ARRDC5: variants seen among roughly 807,000 people sequenced by gnomAD.
ARRDC5 encodes arrestin domain containing 5, also known as arrestin domain-containing protein 5.
In ARRDC5, 12 loss-of-function variants were observed where a neutral mutation model predicts 13.3. That is an observed-to-expected ratio of 0.90 (90% CI 0.58 to 1.46). The LOEUF (loss-of-function observed/expected upper bound fraction) is 1.46, where lower values mean the gene tolerates loss of function less well. Among genes scored for constraint, ARRDC5 ranks in the 40% most tolerant of loss-of-function variants. The pLI, the probability that ARRDC5 is intolerant of heterozygous loss-of-function variation, is 0.00. For missense variants in ARRDC5, 406 were observed against 418.7 expected (o/e 0.97, Z 0.26); for synonymous variants, 181 against 173.4 (o/e 1.04, Z -0.34).
At chr19:4,911,580 C>A in the ARRDC5 span, among the ~76,000 whole-genome samples, 7 of 152,176 alleles carry the variant, frequency 4.6e-5, no homozygotes, top group African/African-American at 4.8e-5. Context: ...TGCTGTGCTG[C>A]GGCTGCTGCT....
At chr19:4,896,991 C>G in intron 1 of ARRDC5, 115 bp from the exon 2 acceptor site, 1 of 711,354 alleles carries the variant, frequency 1.4e-6, no homozygotes, top group Admixed American at 3.0e-5. Context: ...CGGTCTCACT[C>G]TGTCACCCAG....
chr19:4,891,177 G>A lies in ARRDC5; in HGVS notation c.856C>T (p.His286Tyr), dbSNP rs769861681. ...AGGCTGGTCAGGGACCAGGGCAGGT[G>A]CACGGTGGTGACCAGCTCGTAGCGA... ...HTRYELVTTV[H>Y]LPWSLTSLKA... The change falls in exon 3 of 3, where the codon CAC becomes TAC. Residue 286 changes from histidine to tyrosine, a missense_variant. His to Tyr is a moderately conservative substitution (Grantham distance 83). Coordinates refer to ENST00000650722, the MANE Select transcript of ARRDC5 (RefSeq NM_001080523.3). 1 of 1,613,866 alleles carries A rather than the reference G, an allele frequency of 6.2e-7. No individual in the cohort carries two copies. Among genetic ancestry groups the A allele is most frequent in the South Asian group, 1.1e-5 (1 of 91,084 alleles).
At chr19:4,891,633 C>G in intron 2 of ARRDC5, 60 bp from the exon 3 acceptor site, 4 of 1,473,236 alleles carry the variant, frequency 2.7e-6, no homozygotes, top group Non-Finnish European at 3.7e-6. Flanking sequence ...ATCCACTTGC[C>G]TGCCTGATCC....
At position 4,902,693 on chromosome 19, in the gene ARRDC5, C is replaced by T. The variant is rs544143370; in HGVS notation, c.133G>A (p.Val45Met). The T allele has an allele frequency of 1.8e-5, 29 of 1,614,032 alleles. 1 individual carries two copies. The highest frequency in any genetic ancestry group is 1.6e-4 in the East Asian group (7 of 44,888). Residue 45 changes from valine (V) to methionine (M), a missense_variant, in exon 1 of 3, where the codon GTG becomes ATG. Coordinates refer to ENST00000650722, the MANE Select transcript of ARRDC5 (RefSeq NM_001080523.3). ...CTCCATTCGACGTAACCCCTTCCCACGAGCTCCACCTTCACTATGGGGTCC... is the reference window on the plus strand; with the variant it reads ...CTCCATTCGACGTAACCCCTTCCCATGAGCTCCACCTTCACTATGGGGTCC... ...LVDPIVKVEL[V>M]GRGYVEWSEE...
At chr19:4,898,629 T>C (rs1296752821) in intron 1 of ARRDC5, among the ~76,000 whole-genome samples, 1 of 150,198 alleles carries the variant, frequency 6.7e-6, no homozygotes, top group Non-Finnish European at 1.5e-5. Context: ...CCCAAAGGGC[T>C]GGGATTACAG....
At chr19:4,897,652 G>A (rs2031779734) in intron 1 of ARRDC5, among the ~76,000 whole-genome samples, 1 of 152,254 alleles carries the variant, frequency 6.6e-6, no homozygotes, top group Middle Eastern at 3.4e-3. Flanking sequence ...GAAGAGCTGG[G>A]ACTACAGGCC....
upstream of ARRDC5, chr19:4,903,591 C>T (rs573844036): frequency 6.6e-6 from 1 of 151,430 alleles, no homozygotes; most frequent in East Asian, 1.9e-4. Context: ...CAACCTCTGC[C>T]TCCTGGGTTC....
chr19:4,897,840 A>G (rs2031785967), intron 1 of ARRDC5, among the ~76,000 whole-genome samples: 1 of 152,218 alleles, frequency 6.6e-6, no homozygotes, highest in Admixed American at 6.6e-5. Flanking sequence ...CAATCCCAGC[A>G]CTTTGGGAGG....
chr19:4,896,405 C>CACATATAT (rs539564532), intron 2 of ARRDC5, among the ~76,000 whole-genome samples: 1,704 of 106,088 alleles, frequency 0.016, 26 homozygotes, highest in Middle Eastern at 0.037. Context: ...CACACACACA[C>CACATATAT]ATATATATAA....
At chr19:4,891,826 A>C (rs2031523345) in intron 2 of ARRDC5, among the ~76,000 whole-genome samples, 1 of 151,928 alleles carries the variant, frequency 6.6e-6, no homozygotes, top group South Asian at 2.1e-4. Context: ...GTGATGGAGC[A>C]TCCCTGTAAT....
intron 2 of ARRDC5, among the ~76,000 whole-genome samples, chr19:4,892,601 C>A (rs938800737): frequency 6.6e-6 from 1 of 151,798 alleles, no homozygotes; most frequent in Non-Finnish European, 1.5e-5. Context: ...TCAAGCAGTC[C>A]TCCCACCTCA....
chr19:4,903,998 G>A (rs778324223), upstream of ARRDC5, among the ~76,000 whole-genome samples: 12 of 150,704 alleles, frequency 8.0e-5, no homozygotes, highest in Non-Finnish European at 1.3e-4. Flanking sequence ...TTTTTTTGAG[G>A]TGGAATCTCA....
intron 2 of ARRDC5, among the ~76,000 whole-genome samples, chr19:4,893,605 T>C (rs2146242980): frequency 6.7e-6 from 1 of 149,056 alleles, no homozygotes. Flanking sequence ...TGAAAAACAT[T>C]GCTGGCTGGG....
At chr19:4,895,444 A>AAG (rs2031679762) in intron 2 of ARRDC5, among the ~76,000 whole-genome samples, 2 of 139,126 alleles carry the variant, frequency 1.4e-5, no homozygotes, top group African/African-American at 2.9e-5. Context: ...AAAAAAAAAA[A>AAG]AAAGAAAGAA....
At chr19:4,899,764 C>CAAAAAAAA (rs1217500792) in intron 1 of ARRDC5, among the ~76,000 whole-genome samples, 9 of 67,972 alleles carry the variant, frequency 1.3e-4, no homozygotes, top group Admixed American at 2.8e-4. Flanking sequence ...CCCGTCTCTA[C>CAAAAAAAA]AAAAAAAAAA....
rs1277082332 is a variant in ARRDC5 at position 4,891,033 on chromosome 19, A to G, written c.*13T>C. On this transcript the variant is annotated 3_prime_UTR_variant, in exon 3 of 3. Transcript: ENST00000650722. ...AGACTAATAAAGCTTTTAATATTTA[A>G]AAGTTCGGGCACTTAATTCTGGTGA... 6.3e-7 allele frequency: 1 copy of G among 1,596,670 alleles called. No individual in the cohort carries two copies. The highest frequency in any genetic ancestry group is 1.3e-5 in the African/African-American group (1 of 74,294).
the ARRDC5 span, chr19:4,909,857 C>G: frequency 2.9e-5 from 11 of 384,008 alleles, no homozygotes; most frequent in African/African-American, 1.9e-4. Flanking sequence ...AGCGCTGCGT[C>G]CCCGGAGCCC....
At chr19:4,910,687 T>A in the ARRDC5 span, 1 of 482,482 alleles carries the variant, frequency 2.1e-6, no homozygotes, top group East Asian at 3.4e-5. Flanking sequence ...TAGTCGTTAA[T>A]GCCTTAAGTG....
At chr19:4,903,826 A>G, upstream of ARRDC5, among the ~76,000 whole-genome samples, 1 of 152,064 alleles carries the variant, frequency 6.6e-6, no homozygotes, top group Admixed American at 6.6e-5. Context: ...TTTTCATCTT[A>G]AAGACTCTAC....
Sources: allele counts gnomAD v4.1 joint callset (sites outside exome capture counted in the v4.1 genomes callset), GRCh38; gene constraint gnomAD v4.1.1; transcripts MANE v1.5; gene names NCBI Gene and HGNC (gene_info 2026-07-23, HGNC 2026-07-21).